The following GRM5 variants were observed in gnomAD, a reference collection of about 807,000 sequenced individuals.
GRM5 encodes glutamate metabotropic receptor 5.
Under a neutral mutation model 83.1 loss-of-function variants are expected in GRM5, and 19 were observed. The observed-to-expected ratio is 0.23, with a 90% CI of 0.16 to 0.34. The LOEUF (loss-of-function observed/expected upper bound fraction) is 0.34. GRM5 is among the 10% of genes least tolerant of loss of function. The probability of loss-of-function intolerance (pLI) is 1.00; values close to 1 mark genes in which losing one functional copy is unlikely to be tolerated. For missense variants in GRM5, 1,160 were observed against 1,588.3 expected (o/e 0.73, Z 4.58); for synonymous variants, 675 against 633.6 (o/e 1.07, Z -0.98).
chr11:88,517,703 A>C (rs1941560534), intron 9 of GRM5, among the ~76,000 whole-genome samples: 1 of 152,182 alleles, frequency 6.6e-6, no homozygotes, highest in South Asian at 2.1e-4. Flanking sequence ...TCTCAAGAGC[A>C]TACAAGTTTG....
At chr11:88,850,482 T>G (rs1414506893) in intron 2 of GRM5, among the ~76,000 whole-genome samples, 2 of 152,104 alleles carry the variant, frequency 1.3e-5, no homozygotes, top group Non-Finnish European at 2.9e-5. Context: ...TCTGCTATTT[T>G]TTTGCATTCT....
At chr11:88,621,176 T>C (rs1306277273) in intron 4 of GRM5, among the ~76,000 whole-genome samples, 2 of 152,218 alleles carry the variant, frequency 1.3e-5, no homozygotes, top group Non-Finnish European at 2.9e-5. Context: ...GCAAAAACCA[T>C]AGCATTAGAG....
At position 88,627,881 on chromosome 11, in the gene GRM5, G is replaced by A. The variant is rs142184702; in HGVS notation, c.1148-22917C>T. Among the ~76,000 whole-genome samples the A allele has an allele frequency of 7.0e-3, 1,065 of 152,080 alleles. 5 individuals are homozygous for A. The highest frequency in any genetic ancestry group is 0.024 in the African/African-American group (1,008 of 41,472). On this transcript the variant is annotated intron_variant, in intron 4 of 9. Coordinates refer to ENST00000305447, the MANE Select transcript of GRM5 (RefSeq NM_001143831.3). ...TTTAAATATGGTTTTTGATTACCTC[G>A]TTTTCTTCAAAATTCTTCAACAATT...
intron 2 of GRM5, among the ~76,000 whole-genome samples, chr11:88,993,120 G>T (rs1256765113): frequency 6.6e-6 from 1 of 151,596 alleles, no homozygotes; most frequent in African/African-American, 2.4e-5. Flanking sequence ...AAAAAAATTA[G>T]CTGGGCATCC....
chr11:88,877,657 C>CA (rs1319000173), intron 2 of GRM5, among the ~76,000 whole-genome samples: 5 of 150,904 alleles, frequency 3.3e-5, no homozygotes, highest in South Asian at 2.1e-4. Context: ...CCTGTTTCTA[C>CA]AAAAAAAATA....
At chr11:88,577,824 A>C (rs1008509698) in intron 7 of GRM5, among the ~76,000 whole-genome samples, 3 of 152,164 alleles carry the variant, frequency 2.0e-5, no homozygotes, top group African/African-American at 7.2e-5. Context: ...ATGTATCAAG[A>C]GAATTACAAT....
rs549512568 is a variant in GRM5, at chr11:88,705,691, T to C, written c.912-52288A>G. ...CTCTGCTTTCTGCTAATCTCATATA[T>C]ATTCCATCTTCCACACACTTGCCAA... On this transcript the variant is annotated intron_variant, in intron 3 of 9. Transcript: ENST00000305447. 2.6e-5 allele frequency among the ~76,000 whole-genome samples: 4 copies of C among 151,904 alleles called. No homozygotes were observed. The East Asian group carries it at 7.8e-4, about 30-fold the overall frequency.
chr11:88,829,862 C>T (rs571204055), intron 3 of GRM5, among the ~76,000 whole-genome samples: 15 of 151,978 alleles, frequency 9.9e-5, no homozygotes, highest in Non-Finnish European at 1.6e-4. Context: ...AAGCAAAAAA[C>T]GGCAAATTTA....
intron 3 of GRM5, among the ~76,000 whole-genome samples, chr11:88,785,277 C>T (rs1943048359): frequency 6.6e-6 from 1 of 152,012 alleles, no homozygotes; most frequent in African/African-American, 2.4e-5. Context: ...TAATTACATA[C>T]TTTGGCAGAA....
chr11:88,563,588 G>C, intron 8 of GRM5, among the ~76,000 whole-genome samples: 1 of 152,084 alleles, frequency 6.6e-6, no homozygotes, highest in East Asian at 1.9e-4. Context: ...GGGCTGGGTC[G>C]AGCATGGTAG....
chr11:88,797,800 T>A lies in GRM5; in HGVS notation c.911+52106A>T, dbSNP rs534299212. ...TGAATATATTATTTACTGCATCCCT[T>A]TAAACATTTTCATGAATTGCTGTTG... On this transcript the variant is annotated intron_variant, in intron 3 of 9. Transcript: ENST00000305447. Among the ~76,000 whole-genome samples the A allele has an allele frequency of 2.0e-5, 3 of 148,926 alleles. No homozygotes were observed. In the East Asian group the frequency reaches 6.0e-4, roughly 30 times the overall value.
At chr11:88,662,985 A>T (rs1591422368) in intron 3 of GRM5, among the ~76,000 whole-genome samples, 3 of 152,334 alleles carry the variant, frequency 2.0e-5, no homozygotes, top group Non-Finnish European at 2.9e-5. Flanking sequence ...GACTCCTGAC[A>T]TCCAGAAAGT....
intron 2 of GRM5, among the ~76,000 whole-genome samples, chr11:89,009,918 A>AAAAAAAAAAAAAAAAAAAAAAC (rs1940646121): frequency 7.3e-6 from 1 of 136,184 alleles, no homozygotes; most frequent in African/African-American, 3.2e-5. Flanking sequence ...AAAAAAAAAA[A>AAAAAAAAAAAAAAAAAAAAAAC]AAAAAAAAAA....
At chr11:88,748,842 A>T (rs190142577) in intron 3 of GRM5, among the ~76,000 whole-genome samples, 2 of 152,280 alleles carry the variant, frequency 1.3e-5, no homozygotes, top group Admixed American at 6.5e-5. Context: ...AGCAAACCAC[A>T]GCAGCCCTAC....
intron 2 of GRM5, among the ~76,000 whole-genome samples, chr11:88,955,099 C>T (rs1248617442): frequency 1.3e-5 from 2 of 152,086 alleles, no homozygotes; most frequent in African/African-American, 4.8e-5. Context: ...AGTGGTAACA[C>T]AAAGCCAACA....
At chr11:88,998,329 T>C (rs1940261481) in intron 2 of GRM5, among the ~76,000 whole-genome samples, 1 of 152,186 alleles carries the variant, frequency 6.6e-6, no homozygotes, top group South Asian at 2.1e-4. Context: ...GACATGATCA[T>C]ATCAATGAAC....
At chr11:88,656,808 T>C (rs867976093) in intron 3 of GRM5, among the ~76,000 whole-genome samples, 9 of 152,198 alleles carry the variant, frequency 5.9e-5, no homozygotes, top group Non-Finnish European at 2.9e-5. Flanking sequence ...AACAAGACAG[T>C]ATAATGACTA....
In GRM5 at chr11:88,754,243, G is replaced by A. The variant is rs150883624; in HGVS notation, c.911+95663C>T. Among the ~76,000 whole-genome samples the A allele has an allele frequency of 4.5e-4, 69 of 152,172 alleles. 1 individual carries two copies. The East Asian group carries it at 0.012, about 27-fold the overall frequency. The stretch of plus-strand genomic sequence containing the variant: ...ATGGGAGCTGAGTGATGAGAACACT[G>A]GACACAGGGAGGGGAGCAACACACA... On this transcript the variant is annotated intron_variant, in intron 3 of 9. Coordinates refer to ENST00000305447, the MANE Select transcript of GRM5 (RefSeq NM_001143831.3).
At chr11:88,990,394 C>A (rs1035117678) in intron 2 of GRM5, among the ~76,000 whole-genome samples, 9 of 150,232 alleles carry the variant, frequency 6.0e-5, no homozygotes, top group African/African-American at 2.2e-4. Context: ...AAAAAGAGTC[C>A]AGGACCAGAT....
Sources: allele counts gnomAD v4.1 joint callset (sites outside exome capture counted in the v4.1 genomes callset), GRCh38; gene constraint gnomAD v4.1.1; transcripts MANE v1.5; gene names NCBI Gene and HGNC (gene_info 2026-07-23, HGNC 2026-07-21).